CCDC141: variants seen among roughly 807,000 people sequenced by gnomAD.
CCDC141 encodes the protein coiled-coil domain-containing protein 141.
CCDC141 carries 168 observed loss-of-function variants against 181.0 expected under a neutral mutation model. The ratio of observed to expected loss-of-function variants is 0.93; its 90% confidence interval spans 0.82 to 1.05. The LOEUF (loss-of-function observed/expected upper bound fraction) is 1.05. CCDC141 is among the 50% of genes least tolerant of loss of function. CCDC141 has a pLI of 0.00. For missense variants in CCDC141, 1,902 were observed against 1,788.5 expected, an observed-to-expected ratio of 1.06 and a Z score of -1.14; for synonymous variants, 666 against 642.3, an observed-to-expected ratio of 1.04 and a Z score of -0.56.
In CCDC141 at chr2:178,856,345, T is replaced by C; in HGVS notation, c.2777A>G (p.Asn926Ser). 3 of 1,607,628 alleles carry C rather than the reference T, an allele frequency of 1.9e-6. No individual in the cohort carries two copies. The highest frequency in any genetic ancestry group is 1.7e-6 in the Non-Finnish European group (2 of 1,175,614). Residue 926 changes from asparagine to serine, a missense_variant, in exon 18 of 24, where the codon AAT (asparagine) becomes AGT (serine). Asn to Ser is a conservative substitution (Grantham distance 46). Coordinates refer to ENST00000443758, the MANE Select transcript of CCDC141 (RefSeq NM_173648.4). ...AGATTTTTCATTTTTCTTAGTGTAA[T>C]TAAACTTCAAATTATTGAATTTCTT... is the stretch of plus-strand genomic sequence containing the variant. ...IKKKFNNLKF[N>S]YTKKNEKSRN...
rs11681211 is a variant in CCDC141, at chr2:178,830,510, G to A, written c.*3663C>T. The A allele has an allele frequency of 0.18, 26,752 of 152,112 alleles. 2,739 individuals carry two copies. The highest frequency in any genetic ancestry group is 0.26 in the Middle Eastern group (77 of 294). The allele number at this position is 152,112 out of a possible 1,614,324, so 9.4% of individuals were successfully genotyped here. A position where few individuals can be genotyped will look rare whatever the true frequency, so the allele number is the denominator to read the frequency against. ...TAAAAAGGGGAGAAAAACAAGCTAGGTTTATCTTTGTTTACCTTTGGCAAC... is the reference window on the plus strand; with the variant it reads ...TAAAAAGGGGAGAAAAACAAGCTAGATTTATCTTTGTTTACCTTTGGCAAC... On this transcript the variant is annotated 3_prime_UTR_variant, in exon 24 of 24. Coordinates refer to ENST00000443758, the MANE Select transcript of CCDC141 (RefSeq NM_173648.4).
intron 19 of CCDC141, among the ~76,000 whole-genome samples, chr2:178,854,251 G>A (rs905801283): frequency 1.3e-5 from 2 of 152,212 alleles, no homozygotes; most frequent in Admixed American, 6.5e-5. Flanking sequence ...GTGGCTGGGC[G>A]TGGTGGCTCA....
At chr2:178,980,469 C>T (rs191058029) in intron 2 of CCDC141, among the ~76,000 whole-genome samples, 1 of 152,090 alleles carries the variant, frequency 6.6e-6, no homozygotes, top group African/African-American at 2.4e-5. Context: ...AAAAAAAATG[C>T]AAGCAAAAAC....
chr2:179,006,561 G>A (rs2042128272), intron 2 of CCDC141, among the ~76,000 whole-genome samples: 1 of 152,180 alleles, frequency 6.6e-6, no homozygotes, highest in African/African-American at 2.4e-5. Context: ...CAGATAATGA[G>A]TATTTACCAT....
At chr2:178,916,939 C>CTTTT (rs35684887) in intron 7 of CCDC141, among the ~76,000 whole-genome samples, 1 of 145,250 alleles carries the variant, frequency 6.9e-6, no homozygotes, top group African/African-American at 2.6e-5. Flanking sequence ...TCTTCTTCTT[C>CTTTT]TTTTTTTTTT....
intron 19 of CCDC141, among the ~76,000 whole-genome samples, chr2:178,853,976 T>C (rs1196539220): frequency 1.3e-5 from 2 of 152,162 alleles, no homozygotes; most frequent in Non-Finnish European, 1.5e-5. Context: ...CATCTGGCAC[T>C]AAAAAGAATC....
At chr2:178,992,338 AC>A (rs1210838804) in intron 2 of CCDC141, among the ~76,000 whole-genome samples, 1 of 133,120 alleles carries the variant, frequency 7.5e-6, no homozygotes, top group Admixed American at 8.2e-5. Flanking sequence ...TGTAAAATAG[AC>A]CTTTTTTTTT....
chr2:178,835,079 AG>A (rs1204704268), intron 23 of CCDC141, among the ~76,000 whole-genome samples: 5 of 152,184 alleles, frequency 3.3e-5, no homozygotes, highest in African/African-American at 1.2e-4. Flanking sequence ...ACAATTACCT[AG>A]GGTGTGAAAT....
rs144264289 is a variant in CCDC141 at position 178,942,615 on chromosome 2, A to G, written c.897+1920T>C. Among the ~76,000 whole-genome samples the G allele has an allele frequency of 3.0e-3, 451 of 152,308 alleles. 2 individuals carry two copies. The highest frequency in any genetic ancestry group is 9.9e-3 in the African/African-American group (410 of 41,566). On this transcript the variant is annotated intron_variant, in intron 6 of 23. Coordinates refer to ENST00000443758, the MANE Select transcript of CCDC141 (RefSeq NM_173648.4). ...TCATCATACATTTGTCCAAACCCAT[A>G]GAATGTACAACACCAAGAGTGAACC...
At chr2:178,925,975 A>G (rs527391069) in intron 6 of CCDC141, among the ~76,000 whole-genome samples, 3 of 152,156 alleles carry the variant, frequency 2.0e-5, no homozygotes, top group Non-Finnish European at 4.4e-5. Flanking sequence ...GGCTAACTTA[A>G]TAGAAGGGAG....
Position 178,845,692 on chromosome 2 carries a change from A to T in CCDC141, c.3408T>A (p.Asp1136Glu). The T allele has an allele frequency of 6.2e-7, 1 of 1,612,636 alleles. No homozygotes were observed. The highest frequency in any genetic ancestry group is 1.7e-5 in the Admixed American group (1 of 59,978). The change falls in exon 22 of 24, where the codon GAT (aspartate) becomes GAA (glutamate). Residue 1136 changes from aspartate (D) to glutamate (E), a missense_variant. Transcript: ENST00000443758. ...CTGGTTCCTTTAGCAAGTCAATGTA[A>T]TCATAATGGAAGTCTTCCAAATTCG... ...MNPNLEDFHY[D>E]YIDLLKEPAK...
intron 2 of CCDC141, among the ~76,000 whole-genome samples, chr2:178,996,408 G>C (rs1692290385): frequency 6.6e-6 from 1 of 152,096 alleles, no homozygotes; most frequent in South Asian, 2.1e-4. Flanking sequence ...CAGTGATAGA[G>C]GGAAGAATAA....
At chr2:179,027,892 C>T (rs1157417843) in intron 2 of CCDC141, among the ~76,000 whole-genome samples, 1 of 152,086 alleles carries the variant, frequency 6.6e-6, no homozygotes, top group Non-Finnish European at 1.5e-5. Flanking sequence ...ATTGTTCACC[C>T]AAAATTAGCC....
intron 4 of CCDC141, among the ~76,000 whole-genome samples, chr2:178,969,540 T>C (rs1690790392): frequency 6.6e-6 from 1 of 152,134 alleles, no homozygotes; most frequent in Non-Finnish European, 1.5e-5. Context: ...ATTATCTCAA[T>C]AGATGCAGAA....
chr2:178,821,448 T>C, the CCDC141 span, among the ~76,000 whole-genome samples: 3 of 152,156 alleles, frequency 2.0e-5, no homozygotes, highest in Non-Finnish European at 4.4e-5. Context: ...CAATATCACC[T>C]GCCTGTTCCA....
At chr2:178,862,077 A>T (rs1227059614) in intron 17 of CCDC141, among the ~76,000 whole-genome samples, 10 of 152,150 alleles carry the variant, frequency 6.6e-5, no homozygotes, top group Admixed American at 1.3e-4. Context: ...CTATTCCTCT[A>T]TTCTAATTTA....
intron 7 of CCDC141, among the ~76,000 whole-genome samples, chr2:178,905,738 T>C (rs998351977): frequency 6.6e-6 from 1 of 152,208 alleles, no homozygotes; most frequent in African/African-American, 2.4e-5. Flanking sequence ...TACCATAAAA[T>C]CACCAAAATA....
chr2:178,971,091 C>T (rs1690864509), intron 4 of CCDC141, among the ~76,000 whole-genome samples: 1 of 152,052 alleles, frequency 6.6e-6, no homozygotes, highest in African/African-American at 2.4e-5. Flanking sequence ...GCCTGAAGTC[C>T]CAGCTACTCG....
chr2:178,867,890 T>C, intron 16 of CCDC141, 136 bp downstream of exon 16: 2 of 680,736 alleles, frequency 2.9e-6, no homozygotes, highest in South Asian at 4.0e-5. Flanking sequence ...TAGAAATGAA[T>C]CACAAATAAC....
Sources: allele counts gnomAD v4.1 joint callset (sites outside exome capture counted in the v4.1 genomes callset), GRCh38; gene constraint gnomAD v4.1.1; transcripts MANE v1.5; gene names NCBI Gene and HGNC (gene_info 2026-07-23, HGNC 2026-07-21).